The following CFI variants were observed in gnomAD, a reference collection of about 807,000 sequenced individuals.
The protein encoded by CFI is C3B/C4B inactivator.
Under a neutral mutation model 78.8 loss-of-function variants are expected in CFI, and 66 were observed. That is an observed-to-expected ratio of 0.84 (90% CI 0.69 to 1.03). The LOEUF (loss-of-function observed/expected upper bound fraction) is 1.03, where lower values mean the gene tolerates loss of function less well. Ranked by LOEUF, CFI falls within the 50% of genes least tolerant of loss-of-function variation. CFI has a pLI of 0.00. For synonymous variants in CFI, 250 were observed against 232.6 expected, an observed-to-expected ratio of 1.07 and a Z score of -0.68; for missense variants, 706 against 704.5, an observed-to-expected ratio of 1.00 and a Z score of -0.02.
chr4:109,757,475 T>C (rs1726470400), intron 7 of CFI, among the ~76,000 whole-genome samples: 1 of 152,212 alleles, frequency 6.6e-6, no homozygotes, highest in Non-Finnish European at 1.5e-5. Flanking sequence ...AGGAGCTACC[T>C]TGATTTTGAG....
chr4:109,731,940 A>G, the CFI span, among the ~76,000 whole-genome samples: 1 of 152,322 alleles, frequency 6.6e-6, no homozygotes, highest in South Asian at 2.1e-4. Flanking sequence ...GCTTTCTGGA[A>G]CATTGGTTTC....
intron 1 of CFI, among the ~76,000 whole-genome samples, chr4:109,777,047 G>C (rs1007176224): frequency 2.6e-5 from 4 of 152,172 alleles, no homozygotes; most frequent in Non-Finnish European, 4.4e-5. Context: ...ATCAAGGCTA[G>C]GAAGAAACTG....
chr4:109,732,281 A>T, the CFI span, among the ~76,000 whole-genome samples: 4 of 152,224 alleles, frequency 2.6e-5, no homozygotes, highest in African/African-American at 7.2e-5. Context: ...TTCTGGCTTG[A>T]TGCAGCTGTT....
intron 1 of CFI, among the ~76,000 whole-genome samples, chr4:109,792,416 A>C (rs1731494984): frequency 6.6e-6 from 1 of 152,174 alleles, no homozygotes; most frequent in Non-Finnish European, 1.5e-5. Flanking sequence ...TCTCTACTAA[A>C]AATACACAAA....
intron 1 of CFI, among the ~76,000 whole-genome samples, chr4:109,782,914 A>C (rs1285363622): frequency 6.6e-6 from 1 of 152,158 alleles, no homozygotes. Flanking sequence ...GCAAGCAAAA[A>C]CATAAAGTGG....
At chr4:109,783,345 CA>C (rs1730302764) in intron 1 of CFI, among the ~76,000 whole-genome samples, 1 of 151,786 alleles carries the variant, frequency 6.6e-6, no homozygotes, top group Admixed American at 6.6e-5. Context: ...AAAACAATCC[CA>C]TCAAAAAATG....
chr4:109,744,767 C>T (rs1262336262), intron 11 of CFI, among the ~76,000 whole-genome samples: 1 of 151,920 alleles, frequency 6.6e-6, no homozygotes, highest in Non-Finnish European at 1.5e-5. Flanking sequence ...ATTGAGACCC[C>T]AATTAATATG....
At chr4:109,732,776 G>C in the CFI span, among the ~76,000 whole-genome samples, 1 of 150,426 alleles carries the variant, frequency 6.6e-6, no homozygotes, top group Non-Finnish European at 1.5e-5. Flanking sequence ...TGAATGGCGT[G>C]AACCCGGGAG....
chr4:109,745,638 TC>T (rs2126185185), intron 11 of CFI, among the ~76,000 whole-genome samples: 1 of 152,308 alleles, frequency 6.6e-6, no homozygotes, highest in Non-Finnish European at 1.5e-5. Context: ...TTCCTTATGT[TC>T]TTTTTTTCTT....
rs549635128 is a variant in CFI, at chr4:109,788,041, G to A, written c.57+13874C>T. ...GTGAGTCTTTCCAGAGATCATGAAT[G>A]TATACATGAGCCCATGTTACTCTCC... On this transcript the variant is annotated intron_variant, in intron 1 of 12. Coordinates refer to ENST00000394634, the MANE Select transcript of CFI (RefSeq NM_000204.5). Among the ~76,000 whole-genome samples the A allele has an allele frequency of 1.1e-4, 16 of 152,062 alleles. No homozygotes were observed. In the South Asian group the frequency reaches 3.3e-3, roughly 32 times the overall value.
At chr4:109,734,047 C>A in the CFI span, among the ~76,000 whole-genome samples, 1 of 152,044 alleles carries the variant, frequency 6.6e-6, no homozygotes, top group Non-Finnish European at 1.5e-5. Context: ...TGGTACATGC[C>A]TGTAGTCCCA....
chr4:109,748,870 T>C (rs1423091521), intron 10 of CFI, among the ~76,000 whole-genome samples: 2 of 152,200 alleles, frequency 1.3e-5, no homozygotes, highest in Non-Finnish European at 2.9e-5. Context: ...AACATGACTC[T>C]TGAGCCACAC....
intron 1 of CFI, among the ~76,000 whole-genome samples, chr4:109,773,452 G>T (rs1020759767): frequency 3.3e-5 from 5 of 152,156 alleles, no homozygotes; most frequent in Non-Finnish European, 1.5e-5. Flanking sequence ...GGAGGCAGAG[G>T]TTGCAGTGAG....
chr4:109,755,625 C>T (rs1423836961), intron 7 of CFI, among the ~76,000 whole-genome samples: 1 of 152,074 alleles, frequency 6.6e-6, no homozygotes, highest in East Asian at 1.9e-4. Flanking sequence ...GCTCTCTTGC[C>T]CTTCAACCTC....
intron 1 of CFI, among the ~76,000 whole-genome samples, chr4:109,768,284 A>G (rs2126227314): frequency 6.6e-6 from 1 of 150,622 alleles, no homozygotes; most frequent in East Asian, 1.9e-4. Context: ...AGTACAAAAA[A>G]AAAAAAAAAA....
chr4:109,775,567 TG>T (rs1177663403), intron 1 of CFI, among the ~76,000 whole-genome samples: 1 of 152,190 alleles, frequency 6.6e-6, no homozygotes, highest in African/African-American at 2.4e-5. Flanking sequence ...ACTCCACCTC[TG>T]GGGGCAGGGC....
At chr4:109,743,910 C>G (rs1162410101) in intron 11 of CFI, among the ~76,000 whole-genome samples, 1 of 151,734 alleles carries the variant, frequency 6.6e-6, no homozygotes, top group African/African-American at 2.4e-5. Context: ...GCTTGAGCCC[C>G]AGAGCTCAAG....
chr4:109,770,091 A>G (rs1728373278), intron 1 of CFI, among the ~76,000 whole-genome samples: 1 of 152,182 alleles, frequency 6.6e-6, no homozygotes, highest in African/African-American at 2.4e-5. Context: ...GTTACATAAA[A>G]TTACGGGAAG....
intron 1 of CFI, among the ~76,000 whole-genome samples, chr4:109,781,659 T>C (rs182365089): frequency 6.6e-6 from 1 of 152,294 alleles, no homozygotes; most frequent in Non-Finnish European, 1.5e-5. Context: ...ATTCATTCTG[T>C]GAAGCCAGCA....
Sources: allele counts gnomAD v4.1 joint callset (sites outside exome capture counted in the v4.1 genomes callset), GRCh38; gene constraint gnomAD v4.1.1; transcripts MANE v1.5; gene names NCBI Gene and HGNC (gene_info 2026-07-23, HGNC 2026-07-21).